Variants in KIRREL1 observed in about 807,000 individuals in gnomAD.
KIRREL1 encodes the protein kin of IRRE-like protein 1.
In KIRREL1, 25 loss-of-function variants were observed where a neutral mutation model predicts 83.3. The observed-to-expected ratio is 0.30, with a 90% CI of 0.22 to 0.42. The LOEUF (loss-of-function observed/expected upper bound fraction) is 0.42, where lower values mean the gene tolerates loss of function less well. Among genes scored for constraint, KIRREL1 ranks in the 10% least tolerant of loss-of-function variants. The pLI, the probability that KIRREL1 is intolerant of heterozygous loss-of-function variation, is 1.00. For synonymous variants in KIRREL1, 388 were observed against 410.4 expected, an observed-to-expected ratio of 0.95 and a Z score of 0.66; for missense variants, 812 against 1,032.3, an observed-to-expected ratio of 0.79 and a Z score of 2.92.
intron 1 of KIRREL1, among the ~76,000 whole-genome samples, chr1:158,051,585 G>C (rs904085758): frequency 6.6e-6 from 1 of 152,192 alleles, no homozygotes; most frequent in Admixed American, 6.5e-5. Context: ...TAGAGACATA[G>C]TGAATGGATA....
intron 1 of KIRREL1, among the ~76,000 whole-genome samples, chr1:158,016,180 T>A (rs995038530): frequency 6.6e-6 from 1 of 152,022 alleles, no homozygotes; most frequent in East Asian, 1.9e-4. Flanking sequence ...GGCGTCTGCC[T>A]GTAGTCCCAG....
chr1:158,016,290 C>T (rs183320177), intron 1 of KIRREL1, among the ~76,000 whole-genome samples: 3 of 127,340 alleles, frequency 2.4e-5, no homozygotes, highest in East Asian at 2.4e-4. Context: ...GGGGACAGAG[C>T]GAGACTCTGT....
At chr1:158,037,735 G>A (rs977762410) in intron 1 of KIRREL1, among the ~76,000 whole-genome samples, 7 of 152,124 alleles carry the variant, frequency 4.6e-5, no homozygotes, top group South Asian at 2.1e-4. Flanking sequence ...CCAGTTGCTC[G>A]TACACACTGC....
intron 4 of KIRREL1, 125 bp downstream of exon 4, chr1:158,084,704 G>T: frequency 1.0e-6 from 1 of 983,694 alleles, no homozygotes. Flanking sequence ...AGGTCATCTG[G>T]TTCAACCCTC....
At chr1:158,050,545 G>C (rs576657796) in intron 1 of KIRREL1, among the ~76,000 whole-genome samples, 1 of 152,216 alleles carries the variant, frequency 6.6e-6, no homozygotes, top group African/African-American at 2.4e-5. Flanking sequence ...TGGGATGGGG[G>C]AATTAGAATG....
intron 2 of KIRREL1, among the ~76,000 whole-genome samples, chr1:158,076,925 T>C (rs1311641096): frequency 6.6e-6 from 1 of 152,244 alleles, no homozygotes; most frequent in African/African-American, 2.4e-5. Flanking sequence ...ACCTGGGTTC[T>C]AGTCCTGCCT....
At chr1:158,046,627 G>A (rs80179247) in intron 1 of KIRREL1, among the ~76,000 whole-genome samples, 256 of 152,196 alleles carry the variant, frequency 1.7e-3, no homozygotes, top group Non-Finnish European at 3.0e-3. Context: ...TTGTGGAGCA[G>A]GCAAGAGAGG....
chr1:158,096,515 T>G lies in KIRREL1; in HGVS notation c.*1395T>G, dbSNP rs1336260374. ...GGACACACTGTTAAGTGTTACAGTG[T>G]TAGGAGAGAGATGGGTGAGGGGACC... On this transcript the variant is annotated 3_prime_UTR_variant, in exon 15 of 15. Transcript: ENST00000359209. 2 of 454,456 alleles carry G rather than the reference T, an allele frequency of 4.4e-6. No individual in the cohort carries two copies. Among genetic ancestry groups the G allele is most frequent in the Non-Finnish European group, 8.9e-6 (2 of 225,632 alleles). 28.2% of individuals were successfully genotyped at this position (454,456 alleles called of 1,614,324 possible).
chr1:158,094,945 G>A lies in KIRREL1; in HGVS notation c.2099G>A (p.Gly700Glu), dbSNP rs764515210. The A allele has an allele frequency of 2.5e-6, 4 of 1,613,900 alleles. No individual in the cohort carries two copies. The highest frequency in any genetic ancestry group is 3.4e-6 in the Non-Finnish European group (4 of 1,179,950). The part of the protein sequence containing the change: ...FNSHPFPGAA[G>E]YPTYRLGYPQ... ...TCCCATCCCTTCCCTGGGGCAGCTG[G>A]GTACCCCACCTACCGACTGGGCTAC... Residue 700 changes from glycine to glutamate, a missense_variant, in exon 15 of 15, where the codon GGG (glycine) becomes GAG (glutamate). Transcript: ENST00000359209. The surrounding 1 kb of genome is among the most constrained non-coding windows in gnomAD (Gnocchi z 4.6).
chr1:158,064,327 TC>T (rs983681512), intron 1 of KIRREL1, among the ~76,000 whole-genome samples: 1 of 152,242 alleles, frequency 6.6e-6, no homozygotes, highest in African/African-American at 2.4e-5. Flanking sequence ...ACCTTTGACT[TC>T]CATCCTAGAC....
At position 158,094,147 on chromosome 1, in the gene KIRREL1, TC is replaced by T. The variant is rs573288156; in HGVS notation, c.1720-163del. ...GCTCGAACCAAGGTCTCTGGCCTCT[TC>T]CCACCACATCCCAGAGCCTCTGCTG... On this transcript the variant is annotated intron_variant, in intron 13 of 14. Coordinates refer to ENST00000359209, the MANE Select transcript of KIRREL1 (RefSeq NM_018240.7). The surrounding 1 kb of genome is among the most constrained non-coding windows in gnomAD (Gnocchi z 4.6). Among the ~76,000 whole-genome samples the T allele has an allele frequency of 9.8e-5, 15 of 152,304 alleles. No homozygotes were observed. The highest frequency in any genetic ancestry group is 2.4e-4 in the African/African-American group (10 of 41,570).
At chr1:158,072,251 G>C (rs914074813) in intron 1 of KIRREL1, among the ~76,000 whole-genome samples, 2 of 152,116 alleles carry the variant, frequency 1.3e-5, no homozygotes, top group African/African-American at 4.8e-5. Context: ...GAGCCTTCTG[G>C]GGTCAGGGGC....
At chr1:158,054,841 C>T (rs1326182043) in intron 1 of KIRREL1, among the ~76,000 whole-genome samples, 1 of 152,082 alleles carries the variant, frequency 6.6e-6, no homozygotes, top group East Asian at 1.9e-4. Flanking sequence ...GCAGAGAGAC[C>T]TGTGCTGGGG....
At chr1:158,089,311 TG>T in intron 8 of KIRREL1, 190 bp from the exon 9 acceptor site, 2 of 731,190 alleles carry the variant, frequency 2.7e-6, no homozygotes, top group Non-Finnish European at 4.4e-6. Flanking sequence ...CCTGCAGAGA[TG>T]GTGTGTTTAC....
intron 11 of KIRREL1, 103 bp from the exon 12 acceptor site, chr1:158,093,236 C>T: frequency 1.1e-6 from 1 of 910,934 alleles, no homozygotes; most frequent in East Asian, 2.4e-5. Flanking sequence ...GTACACAAGC[C>T]AAGGTTGCCT....
chr1:158,096,656 A>T lies in KIRREL1; in HGVS notation c.*1536A>T. 1 of 456,718 alleles carries T rather than the reference A, an allele frequency of 2.2e-6. No individual in the cohort carries two copies. Among genetic ancestry groups the T allele is most frequent in the Non-Finnish European group, 4.4e-6 (1 of 226,976 alleles). The allele number at this position is 456,718 out of a possible 1,614,324, so 28.3% of individuals were successfully genotyped here. ...AGGCCATTTCTCCTCCTCCATGTGC[A>T]CGCACATCCAACACACACCTTCCAT... On this transcript the variant is annotated 3_prime_UTR_variant, in exon 15 of 15. Transcript: ENST00000359209.
chr1:158,072,812 G>A (rs1055247057), intron 1 of KIRREL1, among the ~76,000 whole-genome samples: 2 of 152,074 alleles, frequency 1.3e-5, no homozygotes, highest in Non-Finnish European at 2.9e-5. Context: ...GGAGAGCAGA[G>A]GAGAAAGCCT....
chr1:158,093,234 G>C, intron 11 of KIRREL1, 105 bp from the exon 12 acceptor site: 1 of 894,992 alleles, frequency 1.1e-6, no homozygotes, highest in Non-Finnish European at 1.9e-6. Context: ...CTGTACACAA[G>C]CCAAGGTTGC....
chr1:158,048,169 A>C (rs755687570), intron 1 of KIRREL1, among the ~76,000 whole-genome samples: 1 of 152,220 alleles, frequency 6.6e-6, no homozygotes, highest in Non-Finnish European at 1.5e-5. Flanking sequence ...ATTGCGTCCA[A>C]AAAATTAGGG....
Sources: gnomAD v4.1 joint callset for allele counts (sites outside exome capture counted in the v4.1 genomes callset) on GRCh38, gnomAD v4.1.1 for gene constraint, Gnocchi (gnomAD v3.1) non-coding constraint, MANE v1.5 for transcripts, NCBI Gene and HGNC (gene_info 2026-07-23, HGNC 2026-07-21) for gene names.